The following ANKRD31 variants were observed in gnomAD, a reference collection of about 807,000 sequenced individuals.
ANKRD31 encodes the protein ankyrin repeat domain-containing protein 31.
In ANKRD31, 147 loss-of-function variants were observed where a neutral mutation model predicts 186.0. That is an observed-to-expected ratio of 0.79 (90% CI 0.69 to 0.91). The LOEUF (loss-of-function observed/expected upper bound fraction) is 0.91. ANKRD31 is among the 40% of genes least tolerant of loss of function. The probability of loss-of-function intolerance (pLI) is 0.00; values close to 1 mark genes in which losing one functional copy is unlikely to be tolerated. For synonymous variants in ANKRD31, 673 were observed against 736.4 expected (o/e 0.91, Z 1.39); for missense variants, 1,986 against 2,148.8 (o/e 0.92, Z 1.50).
At chr5:75,126,121 T>C (rs1411395068) in intron 17 of ANKRD31, among the ~76,000 whole-genome samples, 2 of 152,224 alleles carry the variant, frequency 1.3e-5, no homozygotes, top group Admixed American at 1.3e-4. Context: ...TCTCTTTGAC[T>C]TAGCATGATG....
chr5:75,195,661 C>T lies in ANKRD31; in HGVS notation c.987G>A (p.Gln329=), dbSNP rs774969537. Residue 329 remains glutamine, a synonymous_variant, in exon 7 of 26, where the codon CAG becomes CAA. Coordinates refer to ENST00000506364, the MANE Select transcript of ANKRD31 (RefSeq NM_001372053.1). The part of the protein sequence containing the change: ...ECLEVEFNTS[Q]TNEDCTQIAE... Reference sequence around the variant, plus strand: ...CTATTTGTGTACAATCTTCATTGGTCTGAGACGTATTGAACTCCACTTCTA... The same window carrying T: ...CTATTTGTGTACAATCTTCATTGGTTTGAGACGTATTGAACTCCACTTCTA... 2.2e-5 allele frequency: 34 copies of T among 1,534,552 alleles called. No homozygotes were observed. Among genetic ancestry groups the T allele is most frequent in the Non-Finnish European group, 2.9e-5 (33 of 1,145,612 alleles).
intron 6 of ANKRD31, 36 bp from the exon 7 acceptor site, chr5:75,196,236 A>G: frequency 7.4e-7 from 1 of 1,356,370 alleles, no homozygotes; most frequent in Non-Finnish European, 9.6e-7. Context: ...TCATTACAGC[A>G]TATACAATAA....
intron 17 of ANKRD31, among the ~76,000 whole-genome samples, chr5:75,131,553 T>C (rs1213535587): frequency 1.3e-5 from 2 of 152,212 alleles, no homozygotes; most frequent in African/African-American, 4.8e-5. Flanking sequence ...CAAGGAAGGC[T>C]GCCTGCCTCT....
rs147129226 is a variant in ANKRD31 at position 75,205,110 on chromosome 5, C to T, written c.403+1301G>A. On this transcript the variant is annotated intron_variant, in intron 5 of 25. Transcript: ENST00000506364. ...CGAACTCTTAGGCTCAAGCAATCAC[C>T]CTGGCTCAGCCTCCCAAAGTGCTGG... 7.3e-4 allele frequency among the ~76,000 whole-genome samples: 111 copies of T among 152,306 alleles called. No individual in the cohort carries two copies. The East Asian group carries it at 0.018, about 24-fold the overall frequency.
At chr5:75,121,811 C>T (rs554659292) in intron 17 of ANKRD31, among the ~76,000 whole-genome samples, 25 of 152,028 alleles carry the variant, frequency 1.6e-4, no homozygotes, top group South Asian at 1.0e-3. Flanking sequence ...GCCAAAGCAG[C>T]GCTAAGAGGG....
chr5:75,146,647 T>C lies in ANKRD31; in HGVS notation c.2764A>G (p.Thr922Ala). The change falls in exon 14 of 26, where the codon ACA (threonine) becomes GCA (alanine). Residue 922 changes from threonine to alanine, a missense_variant. Transcript: ENST00000506364. Reference sequence around the variant, plus strand: ...AAATTATAGTGTTTTTTGCCACCTGTAGAACACAACACCTTTTTAGATGTT... The same window carrying C: ...AAATTATAGTGTTTTTTGCCACCTGCAGAACACAACACCTTTTTAGATGTT... Reference protein sequence around the residue: ...AITSKKVLCSTGGKKHYNFKE... With the variant: ...AITSKKVLCSAGGKKHYNFKE... The C allele has an allele frequency of 6.5e-7, 1 of 1,536,200 alleles. No individual in the cohort carries two copies. Among genetic ancestry groups the C allele is most frequent in the Non-Finnish European group, 8.7e-7 (1 of 1,146,244 alleles).
chr5:75,096,074 C>G (rs1746296197), intron 22 of ANKRD31, among the ~76,000 whole-genome samples: 1 of 152,126 alleles, frequency 6.6e-6, no homozygotes, highest in African/African-American at 2.4e-5. Context: ...AGGATATGAG[C>G]TAAGCCATAA....
chr5:75,213,740 G>T (rs1353757879), intron 3 of ANKRD31, among the ~76,000 whole-genome samples: 1 of 152,186 alleles, frequency 6.6e-6, no homozygotes, highest in East Asian at 1.9e-4. Context: ...AGAGGTAAGA[G>T]AGGTTAATTG....
intron 2 of ANKRD31, among the ~76,000 whole-genome samples, chr5:75,223,620 C>A (rs899343266): frequency 9.9e-5 from 15 of 151,932 alleles, no homozygotes; most frequent in Admixed American, 3.9e-4. Context: ...AAATATACCC[C>A]CTATAGATCA....
At chr5:75,148,519 T>C in intron 13 of ANKRD31, 57 bp downstream of exon 13, 1 of 1,228,956 alleles carries the variant, frequency 8.1e-7, no homozygotes, top group Non-Finnish European at 1.1e-6. Context: ...TGACAATCTA[T>C]GAAACAACCA....
rs77566688 is a variant in ANKRD31, at chr5:75,229,735, C to A, written c.178+827G>T. ...CAAAATTCAGTTGGGTGTAGTGGTG[C>A]GTGCACATAGTCCCAGCTACTCGCG... On this transcript the variant is annotated intron_variant, in intron 2 of 25. Coordinates refer to ENST00000506364, the MANE Select transcript of ANKRD31 (RefSeq NM_001372053.1). 2.4e-3 allele frequency among the ~76,000 whole-genome samples: 363 copies of A among 151,640 alleles called. 8 individuals are homozygous for A. The East Asian group carries it at 0.061, about 25-fold the overall frequency.
intron 2 of ANKRD31, among the ~76,000 whole-genome samples, chr5:75,229,864 C>CAAAAAAAAAAAAAAAAA (rs1210080751): frequency 2.6e-5 from 1 of 37,852 alleles, no homozygotes; most frequent in African/African-American, 1.1e-4. Context: ...GACTCTGTCT[C>CAAAAAAAAAAAAAAAAA]AAAAAAAAAA....
At chr5:75,103,110 A>T (rs1747043186) in intron 22 of ANKRD31, among the ~76,000 whole-genome samples, 1 of 152,192 alleles carries the variant, frequency 6.6e-6, no homozygotes, top group Non-Finnish European at 1.5e-5. Context: ...GGTGTAAGGA[A>T]GGGGTCCAGT....
chr5:75,099,432 G>A (rs182227094), intron 22 of ANKRD31, among the ~76,000 whole-genome samples: 1 of 152,286 alleles, frequency 6.6e-6, no homozygotes, highest in East Asian at 1.9e-4. Context: ...GTATCAGGAT[G>A]ATGCTGGCCT....
In ANKRD31 at chr5:75,168,967, G is replaced by A. The variant is rs931748922; in HGVS notation, c.1707+12C>T. ...TATAGTATTTGTTCTGCAAATAAAA[G>A]CATCACAGTACCTTATAATGTCCAT... On this transcript the variant is annotated intron_variant, in intron 11 of 25. Coordinates refer to ENST00000506364, the MANE Select transcript of ANKRD31 (RefSeq NM_001372053.1). 3 of 1,512,010 alleles carry A rather than the reference G, an allele frequency of 2.0e-6. No homozygotes were observed. The highest frequency in any genetic ancestry group is 4.0e-5 in the Admixed American group (2 of 49,754). 93.7% of individuals were successfully genotyped at this position (1,512,010 alleles called of 1,614,324 possible).
intron 11 of ANKRD31, among the ~76,000 whole-genome samples, chr5:75,162,494 A>C (rs999830898): frequency 1.3e-5 from 2 of 152,234 alleles, no homozygotes; most frequent in African/African-American, 4.8e-5. Context: ...GTCTTGTCTC[A>C]GATGAGACTT....
At chr5:75,145,788 C>T (rs140855500) in intron 14 of ANKRD31, among the ~76,000 whole-genome samples, 199 bp downstream of exon 14, 8 of 152,068 alleles carry the variant, frequency 5.3e-5, no homozygotes, top group Non-Finnish European at 8.8e-5. Flanking sequence ...GCTTAGCAAC[C>T]GTCTTTGATA....
chr5:75,114,810 A>C (rs1013946070), intron 19 of ANKRD31, among the ~76,000 whole-genome samples: 3 of 152,230 alleles, frequency 2.0e-5, no homozygotes, highest in African/African-American at 7.2e-5. Flanking sequence ...AAGAATCAAT[A>C]TTGTGAAAAT....
intron 25 of ANKRD31, among the ~76,000 whole-genome samples, chr5:75,074,238 C>T (rs1362652373): frequency 2.0e-5 from 3 of 152,166 alleles, no homozygotes; most frequent in Non-Finnish European, 2.9e-5. Flanking sequence ...TAGTTTCTTA[C>T]AGAACAGTTT....
Sources: gnomAD v4.1 joint callset for allele counts (sites outside exome capture counted in the v4.1 genomes callset) on GRCh38, gnomAD v4.1.1 for gene constraint, MANE v1.5 for transcripts, NCBI Gene and HGNC (gene_info 2026-07-23, HGNC 2026-07-21) for gene names.